CDH12: variants seen among roughly 807,000 people sequenced by gnomAD.
The protein encoded by CDH12 is cadherin-12.
In CDH12, 41 loss-of-function variants were observed where a neutral mutation model predicts 74.1. The observed-to-expected ratio is 0.55, with a 90% confidence interval of 0.43 to 0.72. The LOEUF is 0.72. Ranked by LOEUF, CDH12 falls within the 30% of genes least tolerant of loss-of-function variation. CDH12 has a pLI of 0.00. For synonymous variants in CDH12, 399 were observed against 355.0 expected (o/e 1.12, Z -1.39); for missense variants, 945 against 977.2 (o/e 0.97, Z 0.44).
chr5:22,284,427 T>A (rs1737047904), intron 3 of CDH12, among the ~76,000 whole-genome samples: 1 of 152,094 alleles, frequency 6.6e-6, no homozygotes, highest in Non-Finnish European at 1.5e-5. Flanking sequence ...ATGGAGTATT[T>A]CTAAGATCAC....
intron 4 of CDH12, among the ~76,000 whole-genome samples, chr5:22,166,159 T>C (rs1307403520): frequency 6.6e-6 from 1 of 152,094 alleles, no homozygotes; most frequent in East Asian, 1.9e-4. Flanking sequence ...TTATCAATTA[T>C]CACTTTTTTT....
At chr5:21,898,428 C>T (rs188175480) in intron 6 of CDH12, among the ~76,000 whole-genome samples, 1 of 152,188 alleles carries the variant, frequency 6.6e-6, no homozygotes, top group Admixed American at 6.5e-5. Context: ...AAAGGCCAGG[C>T]GCGGTGGCTC....
At chr5:22,576,082 C>T (rs1478913733) in intron 1 of CDH12, among the ~76,000 whole-genome samples, 1 of 152,098 alleles carries the variant, frequency 6.6e-6, no homozygotes, top group African/African-American at 2.4e-5. Context: ...CCCAAGGGCC[C>T]CATCTCACTT....
In CDH12 at chr5:22,558,378, A is replaced by G. The variant is rs565233904; in HGVS notation, c.-522-53014T>C. Among the ~76,000 whole-genome samples the G allele has an allele frequency of 4.6e-5, 7 of 152,238 alleles. No individual in the cohort carries two copies. The South Asian group carries it at 1.2e-3, about 27-fold the overall frequency. On this transcript the variant is annotated intron_variant, in intron 1 of 14. Transcript: ENST00000382254. ...GAGGTTGTTGGGTGGTTTGGCAGGA[A>G]AGAAGACAAAATATGTTAAAATAAA...
intron 2 of CDH12, among the ~76,000 whole-genome samples, chr5:22,497,922 G>A (rs1409437864): frequency 1.3e-5 from 2 of 151,874 alleles, no homozygotes; most frequent in Non-Finnish European, 2.9e-5. Context: ...GGATTACAGG[G>A]ATGAGCCAGC....
chr5:22,288,691 A>T (rs1737260430), intron 3 of CDH12, among the ~76,000 whole-genome samples: 1 of 152,162 alleles, frequency 6.6e-6, no homozygotes, highest in South Asian at 2.1e-4. Flanking sequence ...TCTGGGATGT[A>T]CAGTGGTGGA....
chr5:22,676,562 C>T (rs1216952796), intron 1 of CDH12, among the ~76,000 whole-genome samples: 1 of 152,140 alleles, frequency 6.6e-6, no homozygotes, highest in South Asian at 2.1e-4. Flanking sequence ...CAGACACATG[C>T]TGTTTTTAAC....
At chr5:22,760,543 G>A (rs887183225) in intron 1 of CDH12, among the ~76,000 whole-genome samples, 1 of 151,876 alleles carries the variant, frequency 6.6e-6, no homozygotes, top group Non-Finnish European at 1.5e-5. Context: ...GCTGGGCATG[G>A]TGGTGGCTGC....
At chr5:22,131,234 A>G (rs1335758956) in intron 4 of CDH12, among the ~76,000 whole-genome samples, 1 of 152,098 alleles carries the variant, frequency 6.6e-6, no homozygotes, top group Non-Finnish European at 1.5e-5. Flanking sequence ...TAAGAAAACT[A>G]GGAAATCAAA....
At chr5:21,762,721 TCTCAA>T (rs935861531) in intron 12 of CDH12, among the ~76,000 whole-genome samples, 11 of 152,122 alleles carry the variant, frequency 7.2e-5, no homozygotes, top group African/African-American at 2.4e-4. Flanking sequence ...AATTTCCTTT[TCTCAA>T]CTCATCAAAT....
At chr5:22,635,786 C>T (rs1210355956) in intron 1 of CDH12, among the ~76,000 whole-genome samples, 4 of 151,864 alleles carry the variant, frequency 2.6e-5, no homozygotes, top group Non-Finnish European at 5.9e-5. Context: ...TAGTGGCATG[C>T]GCCTGTAATC....
intron 4 of CDH12, among the ~76,000 whole-genome samples, chr5:22,133,237 G>A (rs1746272281): frequency 6.6e-6 from 1 of 152,042 alleles, no homozygotes; most frequent in Non-Finnish European, 1.5e-5. Flanking sequence ...ATAACTAGAA[G>A]GTATCTGGGT....
intron 4 of CDH12, among the ~76,000 whole-genome samples, chr5:22,173,302 A>G (rs1749142639): frequency 6.8e-6 from 1 of 146,828 alleles, no homozygotes; most frequent in African/African-American, 2.5e-5. Context: ...ATTATATAAT[A>G]TAATTTACAT....
At chr5:22,852,571 T>C (rs970184628) in intron 1 of CDH12, among the ~76,000 whole-genome samples, 11 of 152,168 alleles carry the variant, frequency 7.2e-5, no homozygotes, top group Non-Finnish European at 2.9e-5. Flanking sequence ...TTTAAATGGT[T>C]TTACAGTGGT....
At chr5:21,968,430 T>A (rs115670978) in intron 6 of CDH12, among the ~76,000 whole-genome samples, 1,968 of 152,300 alleles carry the variant, frequency 0.013, 18 homozygotes, top group South Asian at 0.023. Context: ...TATGCACTCT[T>A]AACAAGTTCA....
At chr5:22,490,353 C>T (rs888494335) in intron 2 of CDH12, among the ~76,000 whole-genome samples, 1 of 152,116 alleles carries the variant, frequency 6.6e-6, no homozygotes, top group African/African-American at 2.4e-5. Flanking sequence ...AATTTTGCTA[C>T]CCTGATTCCA....
chr5:22,213,349 A>G (rs1405058351), intron 3 of CDH12, among the ~76,000 whole-genome samples: 6 of 151,784 alleles, frequency 4.0e-5, no homozygotes, highest in Non-Finnish European at 8.8e-5. Context: ...TCCAAACGGC[A>G]TTTTCAATTA....
intron 1 of CDH12, among the ~76,000 whole-genome samples, chr5:22,678,458 T>C (rs1201722712): frequency 6.6e-6 from 1 of 152,164 alleles, no homozygotes; most frequent in African/African-American, 2.4e-5. Context: ...CTACAAATCA[T>C]ATGAATCAAG....
chr5:22,324,382 T>C (rs546798024), intron 3 of CDH12, among the ~76,000 whole-genome samples: 1 of 152,022 alleles, frequency 6.6e-6, no homozygotes, highest in Admixed American at 6.6e-5. Context: ...CTATATGTAA[T>C]AGTTAAAATA....
Sources: allele counts gnomAD v4.1 joint callset (sites outside exome capture counted in the v4.1 genomes callset), GRCh38; gene constraint gnomAD v4.1.1; transcripts MANE v1.5; gene names NCBI Gene and HGNC (gene_info 2026-07-23, HGNC 2026-07-21).